The following ATP2B2 variants were observed in gnomAD, a reference collection of about 807,000 sequenced individuals.
ATP2B2 encodes plasma membrane calcium-transporting ATPase 2.
A neutral mutation model predicts 120.0 loss-of-function variants in ATP2B2; 15 were observed. That is an observed-to-expected ratio of 0.12 (90% CI 0.08 to 0.19). ATP2B2 has a LOEUF of 0.19. ATP2B2 is among the 10% of genes least tolerant of loss of function. ATP2B2 has a pLI of 1.00. For missense variants in ATP2B2, 1,045 were observed against 1,719.8 expected (o/e 0.61, Z 6.94); for synonymous variants, 694 against 700.3 (o/e 0.99, Z 0.14).
chr3:10,526,154 T>G (rs2067087067), intron 3 of ATP2B2, among the ~76,000 whole-genome samples: 1 of 152,230 alleles, frequency 6.6e-6, no homozygotes, highest in Non-Finnish European at 1.5e-5. Context: ...TTCCTTCTCC[T>G]TACAGCAAAC....
At chr3:10,407,992 A>C (rs2062476494) in intron 3 of ATP2B2, among the ~76,000 whole-genome samples, 1 of 152,032 alleles carries the variant, frequency 6.6e-6, no homozygotes, top group African/African-American at 2.4e-5. Context: ...TGATCACTGG[A>C]CTCTGGTGCC....
intron 3 of ATP2B2, among the ~76,000 whole-genome samples, chr3:10,511,183 T>C (rs1017035444): frequency 1.2e-4 from 18 of 152,124 alleles, no homozygotes; most frequent in African/African-American, 4.3e-4. Flanking sequence ...TTTCCACTTC[T>C]CTGCCTGGAG....
At position 10,375,574 on chromosome 3, in the gene ATP2B2, G is replaced by A. The variant is rs1030374767; in HGVS notation, c.1272C>T (p.Asn424=). The change falls in exon 11 of 23, where the codon AAC becomes AAT. Residue 424 remains asparagine (N), a synonymous_variant. Transcript: ENST00000360273. This position sits in a 1 kb window ranked among gnomAD's most constrained non-coding sequence, Gnocchi z 4.2. ...LYFTVDTFVV[N]KKPWLPECTP... is the part of the protein sequence containing the mutation. ...TGCACTCAGGCAGCCACGGCTTCTT[G>A]TTGACCACGAAGGTGTCCACAGTGA... 6.2e-7 allele frequency: 1 copy of A among 1,613,802 alleles called. No homozygotes were observed.
intron 2 of ATP2B2, among the ~76,000 whole-genome samples, chr3:10,433,047 A>T (rs1372503186): frequency 6.6e-6 from 1 of 152,126 alleles, no homozygotes; most frequent in Non-Finnish European, 1.5e-5. Context: ...GGGGTTTCAG[A>T]GGCCAGTGAA....
intron 3 of ATP2B2, among the ~76,000 whole-genome samples, chr3:10,409,507 C>T (rs1210629744): frequency 1.3e-5 from 2 of 152,192 alleles, no homozygotes; most frequent in Non-Finnish European, 2.9e-5. Context: ...GCAGCAATTA[C>T]AGCTGGTTTC....
At chr3:10,512,077 T>C (rs1041716377) in intron 3 of ATP2B2, among the ~76,000 whole-genome samples, 7 of 152,086 alleles carry the variant, frequency 4.6e-5, no homozygotes, top group East Asian at 1.9e-4. Flanking sequence ...GTCTTCAACG[T>C]AGAGGTGAGG....
chr3:10,386,533 CAT>C, intron 6 of ATP2B2, 21 bp from the exon 7 acceptor site: 1 of 1,614,094 alleles, frequency 6.2e-7, no homozygotes, highest in Non-Finnish European at 8.5e-7. Flanking sequence ...ATTTTTGAGA[CAT>C]GTTAATGAAG....
chr3:10,622,210 G>A (rs1431638906), intron 1 of ATP2B2, among the ~76,000 whole-genome samples: 3 of 152,166 alleles, frequency 2.0e-5, no homozygotes, highest in South Asian at 2.1e-4. Flanking sequence ...AGCTGTGGGC[G>A]GCCAGGCCTG....
chr3:10,394,543 G>A (rs2061967098), intron 5 of ATP2B2: 1 of 468,882 alleles, frequency 2.1e-6, no homozygotes. Flanking sequence ...AGGCAGGGTA[G>A]TGTAATGGAG....
At chr3:10,438,058 G>C (rs906917544) in intron 2 of ATP2B2, among the ~76,000 whole-genome samples, 13 of 152,166 alleles carry the variant, frequency 8.5e-5, no homozygotes, top group Non-Finnish European at 1.8e-4. Flanking sequence ...GGAGGTTGCA[G>C]GGGAGAGCAG....
chr3:10,707,295 G>T (rs889354458), intron 1 of ATP2B2, among the ~76,000 whole-genome samples: 1 of 152,214 alleles, frequency 6.6e-6, no homozygotes, highest in Non-Finnish European at 1.5e-5. Context: ...GGCCAGGGGG[G>T]CCAGGAGGAG....
Position 10,469,703 on chromosome 3 carries a change from T to C in ATP2B2, c.-319-19841A>G, listed in dbSNP as rs1002479897. On this transcript the variant is annotated intron_variant, in intron 1 of 22. Coordinates refer to ENST00000360273, the MANE Select transcript of ATP2B2 (RefSeq NM_001001331.4). ...TGACCACGTGCTCCATCTACAAAAATATCCCAGGCCAGCAGCCCCTTTCAC... is the reference window on the plus strand; with the variant it reads ...TGACCACGTGCTCCATCTACAAAAACATCCCAGGCCAGCAGCCCCTTTCAC... Among the ~76,000 whole-genome samples, 5 of 152,168 alleles carry C rather than the reference T, an allele frequency of 3.3e-5. No individual in the cohort carries two copies. In the South Asian group the frequency reaches 6.2e-4, roughly 19 times the overall value.
intron 2 of ATP2B2, among the ~76,000 whole-genome samples, chr3:10,603,736 G>A (rs1284010189): frequency 1.3e-5 from 2 of 152,074 alleles, no homozygotes; most frequent in African/African-American, 4.8e-5. Flanking sequence ...AATCAGAGCT[G>A]AGGTGTTCAC....
intron 1 of ATP2B2, among the ~76,000 whole-genome samples, chr3:10,633,914 C>T (rs1389856030): frequency 6.6e-6 from 1 of 152,182 alleles, no homozygotes; most frequent in Admixed American, 6.5e-5. Context: ...GATTCCTTCC[C>T]AGCTAAGGGT....
intron 19 of ATP2B2, among the ~76,000 whole-genome samples, chr3:10,341,372 G>A (rs1438126480): frequency 2.6e-5 from 4 of 152,126 alleles, no homozygotes; most frequent in Non-Finnish European, 5.9e-5. Flanking sequence ...GGACAGTGGC[G>A]TGATCTCAGC....
intron 1 of ATP2B2, among the ~76,000 whole-genome samples, chr3:10,704,611 A>G (rs947264428): frequency 2.0e-5 from 3 of 152,192 alleles, no homozygotes; most frequent in Admixed American, 2.0e-4. Context: ...TCTGCTTCCC[A>G]AATATTTCTA....
rs1440896077 is a variant in ATP2B2, at chr3:10,324,508, C to T, written c.*4306G>A. 6.6e-6 allele frequency: 1 copy of T among 152,210 alleles called. No individual in the cohort carries two copies. Among genetic ancestry groups the T allele is most frequent in the Non-Finnish European group, 1.5e-5 (1 of 68,056 alleles). 9.4% of individuals were successfully genotyped at this position (152,210 alleles called of 1,614,324 possible). A position where few individuals can be genotyped will look rare whatever the true frequency, so the allele number is the denominator to read the frequency against. On this transcript the variant is annotated 3_prime_UTR_variant, in exon 23 of 23. Coordinates refer to ENST00000360273, the MANE Select transcript of ATP2B2 (RefSeq NM_001001331.4). ...TTTGAAAAGGCCTGGGGACTTCCTG[C>T]TATTGTCTGACTTCCCTCCTGGCTC...
intron 2 of ATP2B2, among the ~76,000 whole-genome samples, chr3:10,578,374 T>A (rs2068302378): frequency 2.0e-5 from 3 of 149,414 alleles, no homozygotes; most frequent in Admixed American, 2.0e-4. Flanking sequence ...GAAATCCCGT[T>A]TCTACTAAAA....
intron 2 of ATP2B2, among the ~76,000 whole-genome samples, chr3:10,538,573 T>C (rs914830486): frequency 6.6e-6 from 1 of 152,168 alleles, no homozygotes; most frequent in Non-Finnish European, 1.5e-5. Context: ...TGGTTCAACA[T>C]ACGCAAATCA....
Sources: allele counts gnomAD v4.1 joint callset (sites outside exome capture counted in the v4.1 genomes callset), GRCh38; gene constraint gnomAD v4.1.1; non-coding constraint Gnocchi (gnomAD v3.1); transcripts MANE v1.5; gene names NCBI Gene and HGNC (gene_info 2026-07-23, HGNC 2026-07-21).